JAK1: variants seen among roughly 807,000 people sequenced by gnomAD.
JAK1 encodes the protein Janus kinase 1.
In JAK1, 16 loss-of-function variants were observed where a neutral mutation model predicts 136.6. That is an observed-to-expected ratio of 0.12 (90% CI 0.08 to 0.18). The LOEUF (loss-of-function observed/expected upper bound fraction) is 0.18. JAK1 is among the 10% of genes least tolerant of loss of function. The pLI is 1.00. For missense variants in JAK1, 859 were observed against 1,450.1 expected (o/e 0.59, Z 6.62); for synonymous variants, 492 against 519.5 (o/e 0.95, Z 0.72).
At chr1:64,850,224 A>G (rs375592824) in intron 12 of JAK1, among the ~76,000 whole-genome samples, 16 of 152,260 alleles carry the variant, frequency 1.1e-4, no homozygotes, top group East Asian at 7.7e-4. Flanking sequence ...GCCTCACACC[A>G]CCAGCAACAG....
At chr1:65,057,799 T>C (rs1322160154) in intron 1 of JAK1, 3 of 154,924 alleles carry the variant, frequency 1.9e-5, no homozygotes, top group Non-Finnish European at 4.4e-5. Flanking sequence ...TAAAATAATT[T>C]ACATTTTATT....
At chr1:64,855,466 T>C (rs1557636990) in intron 11 of JAK1, 43 bp downstream of exon 11, 1 of 1,594,952 alleles carries the variant, frequency 6.3e-7, no homozygotes, top group East Asian at 2.2e-5. Flanking sequence ...TCTCAGCACA[T>C]TACTGATGGG....
intron 1 of JAK1, among the ~76,000 whole-genome samples, chr1:65,056,398 AAG>A (rs1304945987): frequency 6.6e-6 from 1 of 152,184 alleles, no homozygotes; most frequent in Non-Finnish European, 1.5e-5. Flanking sequence ...GAGCAGAGGG[AAG>A]AGACACTAAA....
chr1:64,935,475 T>A (rs544747863), intron 1 of JAK1, among the ~76,000 whole-genome samples: 139 of 152,124 alleles, frequency 9.1e-4, no homozygotes, highest in Middle Eastern at 6.8e-3. Context: ...AATTTTTGTA[T>A]TTTTTAGTAG....
chr1:64,866,215 G>A (rs893396448), intron 7 of JAK1, among the ~76,000 whole-genome samples: 4 of 152,122 alleles, frequency 2.6e-5, no homozygotes, highest in African/African-American at 9.7e-5. Flanking sequence ...TTTAACAGAG[G>A]AGTAATTTTT....
At chr1:64,835,928 T>G (rs2780815) in intron 23 of JAK1, among the ~76,000 whole-genome samples, 170 bp downstream of exon 23, 94,639 of 152,038 alleles carry the variant, frequency 0.62, 32,138 homozygotes, top group African/African-American at 0.89. Flanking sequence ...AGCAAGACTT[T>G]AGAGATTCAC....
At chr1:64,958,087 C>T (rs1646222822) in intron 1 of JAK1, among the ~76,000 whole-genome samples, 1 of 152,192 alleles carries the variant, frequency 6.6e-6, no homozygotes, top group African/African-American at 2.4e-5. Context: ...TTTCTAAGGG[C>T]AGGAGCCAAG....
intron 1 of JAK1, among the ~76,000 whole-genome samples, chr1:64,897,160 T>C (rs751441291): frequency 4.6e-5 from 7 of 151,834 alleles, no homozygotes; most frequent in Non-Finnish European, 8.8e-5. Flanking sequence ...TTGGGCACGA[T>C]GGCTCACGCC....
chr1:65,015,709 A>G (rs1215160046), intron 2 of JAK1, among the ~76,000 whole-genome samples: 2 of 152,224 alleles, frequency 1.3e-5, no homozygotes, highest in Admixed American at 1.3e-4. Flanking sequence ...ATAACTCCAA[A>G]AGAATTGGCA....
intron 1 of JAK1, among the ~76,000 whole-genome samples, chr1:64,932,161 TC>T (rs35509829): frequency 0.049 from 6,965 of 142,028 alleles, 259 homozygotes; most frequent in Admixed American, 0.15. Flanking sequence ...ACGCCTGTAA[TC>T]CCAGAACGTT....
At chr1:64,950,795 G>GTT (rs1375274536) in intron 1 of JAK1, among the ~76,000 whole-genome samples, 1 of 152,180 alleles carries the variant, frequency 6.6e-6, no homozygotes, top group African/African-American at 2.4e-5. Flanking sequence ...AATTCTCTAT[G>GTT]TGACTACCTT....
At chr1:64,975,872 C>A (rs754227029) in intron 2 of JAK1, among the ~76,000 whole-genome samples, 7 of 152,172 alleles carry the variant, frequency 4.6e-5, no homozygotes, top group African/African-American at 1.7e-4. Context: ...CCCCCTGTCA[C>A]GATGGTGACT....
intron 2 of JAK1, chr1:64,990,494 T>A (rs996791116): frequency 6.6e-6 from 1 of 151,322 alleles, no homozygotes; most frequent in Non-Finnish European, 1.5e-5. Flanking sequence ...AATAAAACAG[T>A]AAACCCCAAA....
At chr1:64,878,831 G>A (rs112186746) in intron 4 of JAK1, among the ~76,000 whole-genome samples, 194 bp downstream of exon 4, 163 of 152,162 alleles carry the variant, frequency 1.1e-3, no homozygotes, top group Non-Finnish European at 1.8e-3. Flanking sequence ...ATGTGGCAGA[G>A]GAAGGTGATC....
intron 2 of JAK1, among the ~76,000 whole-genome samples, chr1:65,000,445 G>A (rs145681955): frequency 2.0e-5 from 3 of 151,730 alleles, no homozygotes; most frequent in African/African-American, 7.3e-5. Context: ...CAAGGCTGCA[G>A]TGAGCCATGA....
chr1:64,867,765 C>A (rs113192093), intron 6 of JAK1, among the ~76,000 whole-genome samples: 1 of 152,098 alleles, frequency 6.6e-6, no homozygotes. Context: ...CCGAGGCGGG[C>A]GGATCATCTG....
chr1:64,976,038 G>A (rs1174618640), intron 2 of JAK1, among the ~76,000 whole-genome samples: 1 of 152,174 alleles, frequency 6.6e-6, no homozygotes, highest in Admixed American at 6.5e-5. Context: ...AGAGTTTTGG[G>A]GACTGGAAGG....
At position 64,835,426 on chromosome 1, in the gene JAK1, G is replaced by A; in HGVS notation, c.3339C>T (p.Arg1113=). The change falls in exon 24 of 25, where the codon CGC becomes CGT. Residue 1113 remains arginine, a synonymous_variant. Transcript: ENST00000342505. The part of the protein sequence containing the change: ...RLVNTLKEGK[R]LPCPPNCPDE... ...CTGGACAGTTAGGTGGGCACGGCAG[G>A]CGTTTTCCTTCTTTTAACGTATTCA... The A allele has an allele frequency of 1.9e-6, 3 of 1,608,510 alleles. No homozygotes were observed. Among genetic ancestry groups the A allele is most frequent in the Non-Finnish European group, 2.5e-6 (3 of 1,177,770 alleles).
intron 5 of JAK1, among the ~76,000 whole-genome samples, chr1:64,872,386 T>A (rs1280032192): frequency 6.6e-6 from 1 of 152,230 alleles, no homozygotes; most frequent in Non-Finnish European, 1.5e-5. Flanking sequence ...GGATTCATTA[T>A]AAATGTTACC....
Sources: allele counts gnomAD v4.1 joint callset (sites outside exome capture counted in the v4.1 genomes callset), GRCh38; gene constraint gnomAD v4.1.1; transcripts MANE v1.5; gene names NCBI Gene and HGNC (gene_info 2026-07-23, HGNC 2026-07-21).